NELFB: variants seen among roughly 807,000 people sequenced by gnomAD.
NELFB encodes negative elongation factor B.
A neutral mutation model predicts 60.2 loss-of-function variants in NELFB; 34 were observed. The ratio of observed to expected loss-of-function variants is 0.56; its 90% confidence interval spans 0.43 to 0.75. NELFB has a LOEUF of 0.75. NELFB is among the 30% of genes least tolerant of loss of function. The probability of loss-of-function intolerance (pLI) is 0.00; values close to 1 mark genes in which losing one functional copy is unlikely to be tolerated. For synonymous variants in NELFB, 459 were observed against 382.1 expected, an observed-to-expected ratio of 1.20 and a Z score of -2.35; for missense variants, 770 against 831.6, an observed-to-expected ratio of 0.93 and a Z score of 0.91.
rs931702814 is a variant in NELFB at position 137,261,733 on chromosome 9, C to T, written c.742-1304C>T. Among the ~76,000 whole-genome samples, 8 of 151,044 alleles carry T rather than the reference C, an allele frequency of 5.3e-5. No homozygotes were observed. In the South Asian group the frequency reaches 8.4e-4, roughly 16 times the overall value. On this transcript the variant is annotated intron_variant, in intron 4 of 12. Transcript: ENST00000343053. The stretch of plus-strand genomic sequence containing the variant: ...GTTGATGGGTTTTTCTCCCCGTGTG[C>T]GGAGATGAGAGATTGTAGAAGTAAA...
At chr9:137,272,693 G>T (rs1830598679) in intron 12 of NELFB, 78 bp downstream of exon 12, 8 of 1,527,006 alleles carry the variant, frequency 5.2e-6, no homozygotes, top group Non-Finnish European at 7.1e-6. Context: ...TGCCCTTGTG[G>T]TGCTTGTGTG....
Position 137,273,000 on chromosome 9 carries a change from G to A in NELFB, c.*72G>A, listed in dbSNP as rs1202016548. The A allele has an allele frequency of 1.5e-5, 21 of 1,417,662 alleles. No homozygotes were observed. Among genetic ancestry groups the A allele is most frequent in the African/African-American group, 4.3e-5 (3 of 69,326 alleles). The allele number at this position is 1,417,662 out of a possible 1,614,324, so 87.8% of individuals were successfully genotyped here. On this transcript the variant is annotated 3_prime_UTR_variant, in exon 13 of 13. Coordinates refer to ENST00000343053, the MANE Select transcript of NELFB (RefSeq NM_015456.5). Reference sequence around the variant, plus strand: ...CCCTGCTCAGCCGGAAGAGGCTCCCGGACCTGGATGTACAGGGCAGTCTCT... The same window carrying A: ...CCCTGCTCAGCCGGAAGAGGCTCCCAGACCTGGATGTACAGGGCAGTCTCT...
intron 4 of NELFB, among the ~76,000 whole-genome samples, chr9:137,262,599 A>G (rs763092314): frequency 2.0e-5 from 3 of 152,268 alleles, no homozygotes; most frequent in Non-Finnish European, 4.4e-5. Flanking sequence ...TATATCTAAT[A>G]TAACTATTCT....
chr9:137,263,270 T>C (rs753303673), intron 5 of NELFB, 48 bp downstream of exon 5: 1 of 1,533,264 alleles, frequency 6.5e-7, no homozygotes, highest in Non-Finnish European at 8.8e-7. Context: ...AAGGTAGTGC[T>C]GCCCTCCCTC....
chr9:137,269,608 G>A lies in NELFB; in HGVS notation c.1489+2262G>A, dbSNP rs1046873776. 2.0e-5 allele frequency among the ~76,000 whole-genome samples: 3 copies of A among 152,190 alleles called. No individual in the cohort carries two copies. The highest frequency in any genetic ancestry group is 4.8e-5 in the African/African-American group (2 of 41,434). ...TATTTAGATACACAGTTGCCATTGTGTCCCAGCAGCCTTCAGTACTCAGTA... is the reference window on the plus strand; with the variant it reads ...TATTTAGATACACAGTTGCCATTGTATCCCAGCAGCCTTCAGTACTCAGTA... On this transcript the variant is annotated intron_variant, in intron 10 of 12. Transcript: ENST00000343053. The surrounding 1 kb of genome is among the most constrained non-coding windows in gnomAD (Gnocchi z 5.3).
intron 4 of NELFB, 24 bp downstream of exon 4, chr9:137,257,078 G>A (rs1484404518): frequency 1.3e-6 from 2 of 1,596,606 alleles, no homozygotes. Context: ...CCGTGTGCGG[G>A]GTGGGGCACC....
chr9:137,261,912 G>A (rs553912822), intron 4 of NELFB, among the ~76,000 whole-genome samples: 1 of 152,004 alleles, frequency 6.6e-6, no homozygotes, highest in African/African-American at 2.4e-5. Flanking sequence ...CATCTCCAAT[G>A]ATAGGTAAGG....
intron 6 of NELFB, among the ~76,000 whole-genome samples, chr9:137,265,654 C>G (rs948939139): frequency 8.1e-6 from 1 of 123,808 alleles, no homozygotes; most frequent in Non-Finnish European, 1.8e-5. Flanking sequence ...TGCCAAAGTG[C>G]TGGGATGACA....
At chr9:137,271,548 A>G (rs911764718) in intron 10 of NELFB, among the ~76,000 whole-genome samples, 5 of 152,362 alleles carry the variant, frequency 3.3e-5, no homozygotes, top group African/African-American at 1.2e-4. Flanking sequence ...GTGGGCACGA[A>G]TGCTGTCTTT....
Position 137,266,813 on chromosome 9 carries a change from A to G in NELFB, c.1240-131A>G. The G allele has an allele frequency of 3.8e-6, 4 of 1,048,442 alleles. No individual in the cohort carries two copies. The South Asian group carries it at 6.1e-5, about 16-fold the overall frequency. 64.9% of individuals were successfully genotyped at this position (1,048,442 alleles called of 1,614,324 possible). A position where few individuals can be genotyped will look rare whatever the true frequency, so the allele number is the denominator to read the frequency against. ...GGGAGGTGGGAAGAGGGACCTGGGG[A>G]CCTGGAGAGGAGGGAGGGTCGGTGA... On this transcript the variant is annotated intron_variant, in intron 8 of 12. Coordinates refer to ENST00000343053, the MANE Select transcript of NELFB (RefSeq NM_015456.5).
At chr9:137,256,721 C>A in intron 3 of NELFB, 103 bp from the exon 4 acceptor site, 1 of 1,083,690 alleles carries the variant, frequency 9.2e-7, no homozygotes, top group Non-Finnish European at 1.3e-6. Flanking sequence ...TGGGGTGGAG[C>A]TTAGCTCGAG....
At chr9:137,256,531 T>A in intron 3 of NELFB, 103 bp downstream of exon 3, 1 of 1,035,170 alleles carries the variant, frequency 9.7e-7, no homozygotes, top group Non-Finnish European at 1.5e-6. Context: ...GAGCTTCCTG[T>A]GCTGCCTGCC....
rs1588188751 is a variant in NELFB at position 137,266,407 on chromosome 9, T to C, written c.1220T>C (p.Val407Ala). 1 of 1,612,860 alleles carries C rather than the reference T, an allele frequency of 6.2e-7. No homozygotes were observed. The highest frequency in any genetic ancestry group is 2.2e-5 in the East Asian group (1 of 44,878). Residue 407 changes from valine (V) to alanine (A), a missense_variant, in exon 8 of 13, where the codon GTC (valine) becomes GCC (alanine). Physicochemically the swap from Val to Ala is moderately conservative, Grantham distance 64. Transcript: ENST00000343053. Reference sequence around the variant, plus strand: ...GCCTGGGACATGATCGACAGCCAGGTCTTCAAGGAGCCCAAGATGGTAACG... The same window carrying C: ...GCCTGGGACATGATCGACAGCCAGGCCTTCAAGGAGCCCAAGATGGTAACG...
chr9:137,255,734 G>T (rs975796287), intron 1 of NELFB, 123 bp downstream of exon 1: 4 of 1,425,286 alleles, frequency 2.8e-6, no homozygotes, highest in South Asian at 1.3e-5. Flanking sequence ...TCCTGTTCTG[G>T]GGGTGGAGTC....
chr9:137,267,683 G>A (rs548731066), intron 10 of NELFB, among the ~76,000 whole-genome samples: 19 of 151,914 alleles, frequency 1.3e-4, no homozygotes, highest in Non-Finnish European at 2.1e-4. Context: ...TAGTAGAGAC[G>A]GGGTTTCTCC....
intron 4 of NELFB, 77 bp from the exon 5 acceptor site, chr9:137,262,960 C>A (rs532265576): frequency 6.4e-5 from 97 of 1,517,378 alleles, no homozygotes; most frequent in Admixed American, 1.2e-4. Context: ...GAGGGCCGCG[C>A]TGTCGCCGGG....
chr9:137,255,693 G>T, intron 1 of NELFB, 82 bp downstream of exon 1: 1 of 1,464,156 alleles, frequency 6.8e-7, no homozygotes, highest in East Asian at 2.5e-5. Flanking sequence ...GGAGGCGCCG[G>T]AAGTTTTCCG....
In NELFB at chr9:137,266,358, C is replaced by T. The variant is rs759942141; in HGVS notation, c.1171C>T (p.Arg391Trp). The T allele has an allele frequency of 1.3e-5, 21 of 1,612,826 alleles. No individual in the cohort carries two copies. The highest frequency in any genetic ancestry group is 1.4e-5 in the Non-Finnish European group (16 of 1,179,996). Reference sequence around the variant, plus strand: ...CAGCCCCGACCTCCTGCTGCTGCTCCGGCTGCTGGCGCTGGGCCAGGGAGC... The same window carrying T: ...CAGCCCCGACCTCCTGCTGCTGCTCTGGCTGCTGGCGCTGGGCCAGGGAGC... The change falls in exon 8 of 13, where the codon CGG (arginine) becomes TGG (tryptophan). Residue 391 changes from arginine to tryptophan, a missense_variant. Arg to Trp is a moderately radical substitution (Grantham distance 101). Transcript: ENST00000343053.
rs775534026 is a variant in NELFB, at chr9:137,272,557, C to T, written c.1682C>T (p.Pro561Leu). 1 of 1,612,212 alleles carries T rather than the reference C, an allele frequency of 6.2e-7. No individual in the cohort carries two copies. ...CTGCGGCTCCTCATTCACCTGCACC[C>T]CAGGGTGGCCCCGTCTAAGCTGGAG... The change falls in exon 12 of 13, where the codon CCC becomes CTC. Residue 561 changes from proline to leucine, a missense_variant. By Grantham distance (98) the Pro-to-Leu change is moderately conservative. Coordinates refer to ENST00000343053, the MANE Select transcript of NELFB (RefSeq NM_015456.5).
Sources: allele counts gnomAD v4.1 joint callset (sites outside exome capture counted in the v4.1 genomes callset), GRCh38; gene constraint gnomAD v4.1.1; non-coding constraint Gnocchi (gnomAD v3.1); transcripts MANE v1.5; gene names NCBI Gene and HGNC (gene_info 2026-07-23, HGNC 2026-07-21).